FETUB: variants seen among roughly 807,000 people sequenced by gnomAD.
The protein encoded by FETUB is fetuin B, also known as fetuin-B.
In FETUB, 28 loss-of-function variants were observed where a neutral mutation model predicts 30.9. The ratio of observed to expected loss-of-function variants is 0.90; its 90% CI spans 0.67 to 1.24. The LOEUF (loss-of-function observed/expected upper bound fraction) is 1.24, where lower values mean the gene tolerates loss of function less well. Ranked by LOEUF, FETUB falls within the 50% of genes most tolerant of loss-of-function variation. The pLI is 0.00. For missense variants in FETUB, 469 were observed against 455.3 expected (o/e 1.03, Z -0.27); for synonymous variants, 186 against 175.9 (o/e 1.06, Z -0.45).
chr3:186,638,782 G>T (rs1466209002), upstream of FETUB, among the ~76,000 whole-genome samples: 1 of 152,136 alleles, frequency 6.6e-6, no homozygotes, highest in Non-Finnish European at 1.5e-5. Context: ...TCAGGCCCCA[G>T]ATCCTTCTCA....
chr3:186,649,165 C>A (rs1447110855), intron 5 of FETUB, among the ~76,000 whole-genome samples: 1 of 152,202 alleles, frequency 6.6e-6, no homozygotes, highest in Non-Finnish European at 1.5e-5. Flanking sequence ...TCTCTGAGAG[C>A]CCCTCCTCTT....
At chr3:186,639,243 A>T (rs1716868221), upstream of FETUB, among the ~76,000 whole-genome samples, 1 of 152,116 alleles carries the variant, frequency 6.6e-6, no homozygotes, top group African/African-American at 2.4e-5. Flanking sequence ...TTTATCAGGA[A>T]CTCACTTTCA....
chr3:186,644,780 C>T lies in FETUB; in HGVS notation c.454C>T (p.Pro152Ser). Residue 152 changes from proline (P) to serine (S), a missense_variant, in exon 4 of 7, where the codon CCT becomes TCT. Coordinates refer to ENST00000265029, the MANE Select transcript of FETUB (RefSeq NM_014375.3). ...AAAAAAAAAGATTTACATGACGTGC[C>T]CTGACTGCCCAAGCTCCATACCCAC... is the stretch of plus-strand genomic sequence containing the variant. ...VSKKKIYMTC[P>S]DCPSSIPTDS... The T allele has an allele frequency of 6.2e-7, 1 of 1,607,900 alleles. No homozygotes were observed. Among genetic ancestry groups the T allele is most frequent in the East Asian group, 2.2e-5 (1 of 44,840 alleles).
upstream of FETUB, among the ~76,000 whole-genome samples, chr3:186,639,275 A>G (rs1716870088): frequency 6.6e-6 from 1 of 152,232 alleles, no homozygotes; most frequent in African/African-American, 2.4e-5. Context: ...TATTCCATTC[A>G]TGAGGGTGGA....
chr3:186,647,914 T>TA (rs931850362), intron 5 of FETUB, among the ~76,000 whole-genome samples: 2 of 152,134 alleles, frequency 1.3e-5, no homozygotes, highest in Non-Finnish European at 2.9e-5. Flanking sequence ...AACCATTGCC[T>TA]AATCCATAAT....
At position 186,640,596 on chromosome 3, in the gene FETUB, G is replaced by C; in HGVS notation, c.136G>C (p.Gly46Arg). The C allele has an allele frequency of 6.2e-7, 1 of 1,614,212 alleles. No individual in the cohort carries two copies. The highest frequency in any genetic ancestry group is 8.5e-7 in the Non-Finnish European group (1 of 1,180,032). ...TGACTCAGATGTGCTGGCAGTTGCA[G>C]GCTTTGCCCTGCGGGATATTAACAA... is the stretch of plus-strand genomic sequence containing the variant. The part of the protein sequence containing the change: ...CNDSDVLAVA[G>R]FALRDINKDR... The change falls in exon 1 of 7, where the codon GGC (glycine) becomes CGC (arginine). Residue 46 changes from glycine (G) to arginine (R), a missense_variant. Transcript: ENST00000265029.
rs1560021165 is a variant in FETUB, at chr3:186,642,542, CTG to C, written c.410_411del (p.Cys137TyrfsTer16). 3.8e-6 allele frequency: 6 copies of C among 1,598,258 alleles called. No homozygotes were observed. The South Asian group carries it at 5.5e-5, about 15-fold the overall frequency. On this transcript the variant is annotated frameshift_variant, in exon 3 of 7. Transcript: ENST00000265029. LOFTEE classifies it high-confidence loss of function. ...GAGTTCTCTATTTAGCTGCTTATAA[CTG>C]TACTCTTCGCCCAGGTAAGAAATCA... Reference protein sequence around the residue: ...SRVLYLAAYNCTLRPVSKKKI... With the variant: ...SRVLYLAAYNXTLRPVSKKKI...
chr3:186,637,957 C>T (rs1310573137), upstream of FETUB, among the ~76,000 whole-genome samples: 3 of 152,182 alleles, frequency 2.0e-5, no homozygotes, highest in East Asian at 3.8e-4. Context: ...AACTCTTGAG[C>T]GTCTTAACTG....
At chr3:186,639,531 G>A (rs1716884644), upstream of FETUB, among the ~76,000 whole-genome samples, 1 of 151,598 alleles carries the variant, frequency 6.6e-6, no homozygotes, top group Admixed American at 6.6e-5. Context: ...TTCCCATTTT[G>A]TCTCTTTTCT....
rs200196621 is a variant in FETUB, at chr3:186,640,668, G to A, written c.208G>A (p.Ala70Thr). The change falls in exon 1 of 7, where the codon GCC (alanine) becomes ACC (threonine). Residue 70 changes from alanine (A) to threonine (T), a missense_variant. Ala to Thr is a moderately conservative substitution (Grantham distance 58). Coordinates refer to ENST00000265029, the MANE Select transcript of FETUB (RefSeq NM_014375.3). Reference protein sequence around the residue: ...YVLRLNRVNDAQEYRRGGLGS... With the variant: ...YVLRLNRVNDTQEYRRGGLGS... ...GCTGAGACTCAACCGAGTGAACGAC[G>A]CCCAGGAATACAGACGGGCAAGTAG... 1.2e-5 allele frequency: 19 copies of A among 1,613,714 alleles called. No individual in the cohort carries two copies. Among genetic ancestry groups the A allele is most frequent in the African/African-American group, 4.0e-5 (3 of 74,894 alleles).
upstream of FETUB, among the ~76,000 whole-genome samples, chr3:186,637,973 A>C (rs780687707): frequency 6.6e-6 from 1 of 152,190 alleles, no homozygotes; most frequent in Non-Finnish European, 1.5e-5. Context: ...AACTGTGGCT[A>C]CTCCAAATTG....
chr3:186,638,674 C>T (rs995786691), upstream of FETUB, among the ~76,000 whole-genome samples: 4 of 152,146 alleles, frequency 2.6e-5, no homozygotes, highest in Non-Finnish European at 4.4e-5. Flanking sequence ...CTGTTTGAGT[C>T]CTGCCTTTTA....
chr3:186,636,752 A>G (rs1579025369), upstream of FETUB, among the ~76,000 whole-genome samples: 2 of 152,218 alleles, frequency 1.3e-5, no homozygotes, highest in East Asian at 3.8e-4. Flanking sequence ...AGTTGCAAGG[A>G]CATAGAAAGT....
At chr3:186,640,230 A>AT, upstream of FETUB, 1 of 555,184 alleles carries the variant, frequency 1.8e-6, no homozygotes, top group South Asian at 2.2e-5. Flanking sequence ...ACTTAAATTC[A>AT]TTTGTATGTA....
chr3:186,638,911 C>T (rs370709794), upstream of FETUB, among the ~76,000 whole-genome samples: 55 of 152,288 alleles, frequency 3.6e-4, 1 homozygote, highest in African/African-American at 1.1e-3. Flanking sequence ...TTGCTAGTAT[C>T]GTTCCTATTT....
In FETUB at chr3:186,652,619, C is replaced by A. The variant is rs752487501; in HGVS notation, c.1137C>A (p.Val379=). The A allele has an allele frequency of 6.2e-7, 1 of 1,604,782 alleles. No individual in the cohort carries two copies. Among genetic ancestry groups the A allele is most frequent in the South Asian group, 1.1e-5 (1 of 89,746 alleles). The change falls in exon 7 of 7, where the codon GTC becomes GTA. Residue 379 remains valine (V), a synonymous_variant. Transcript: ENST00000265029. ...PGPAQNASPL[V]LPP ...CAGCCCAGAATGCCAGCCCTCTTGTCCTTCCGCCATGAGAATCACACAGAG... is the reference window on the plus strand; with the variant it reads ...CAGCCCAGAATGCCAGCCCTCTTGTACTTCCGCCATGAGAATCACACAGAG...
At position 186,646,280 on chromosome 3, in the gene FETUB, C is replaced by G; in HGVS notation, c.627C>G (p.Tyr209Ter). ...TCGGCCCTTCTTACTTTGTGGAATA[C>G]TTAATTAAAGAATCACCATGTACTA... ...WVVGPSYFVEYLIKESPCTKS... is the reference protein window; with the variant it reads ...WVVGPSYFVE The change falls in exon 5 of 7, where the codon TAC becomes TAG. Residue 209 changes from tyrosine (Y) to a stop codon, truncating the protein, a stop_gained. Transcript: ENST00000265029. LOFTEE classifies it high-confidence loss of function. 1 of 1,613,834 alleles carries G rather than the reference C, an allele frequency of 6.2e-7. No individual in the cohort carries two copies. The highest frequency in any genetic ancestry group is 8.5e-7 in the Non-Finnish European group (1 of 1,179,808).
At chr3:186,650,177 G>A (rs1036863324) in intron 5 of FETUB, among the ~76,000 whole-genome samples, 1 of 95,484 alleles carries the variant, frequency 1.0e-5, no homozygotes, top group Non-Finnish European at 2.0e-5. Flanking sequence ...GGGTGGGGGG[G>A]GGGGGTAAAT....
chr3:186,642,397 A>T, intron 2 of FETUB, 74 bp from the exon 3 acceptor site: 1 of 852,854 alleles, frequency 1.2e-6, no homozygotes, highest in Non-Finnish European at 1.9e-6. Context: ...AAAATGTCTG[A>T]CTTTAATTTT....
Sources: allele counts gnomAD v4.1 joint callset (sites outside exome capture counted in the v4.1 genomes callset), GRCh38; gene constraint gnomAD v4.1.1; transcripts MANE v1.5; gene names NCBI Gene and HGNC (gene_info 2026-07-23, HGNC 2026-07-21).